APP: variants seen among roughly 807,000 people sequenced by gnomAD.
The protein encoded by APP is amyloid beta precursor protein.
APP carries 31 observed loss-of-function variants against 101.4 expected under a neutral mutation model. The ratio of observed to expected loss-of-function variants is 0.31; its 90% CI spans 0.23 to 0.41. The LOEUF (loss-of-function observed/expected upper bound fraction) is 0.41. Ranked by LOEUF, APP falls within the 10% of genes least tolerant of loss-of-function variation. The pLI, the probability that APP is intolerant of heterozygous loss-of-function variation, is 1.00. For synonymous variants in APP, 366 were observed against 364.4 expected, an observed-to-expected ratio of 1.00 and a Z score of -0.05; for missense variants, 839 against 1,003.7, an observed-to-expected ratio of 0.84 and a Z score of 2.22.
At chr21:26,032,800 A>AG (rs1301560372) in intron 5 of APP, among the ~76,000 whole-genome samples, 3 of 125,004 alleles carry the variant, frequency 2.4e-5, no homozygotes, top group Non-Finnish European at 4.9e-5. Flanking sequence ...TTTAGAAAAA[A>AG]AAAAAATATA....
At chr21:25,999,056 C>T (rs148902821) in intron 7 of APP, among the ~76,000 whole-genome samples, 2,462 of 152,246 alleles carry the variant, frequency 0.016, 33 homozygotes, top group Non-Finnish European at 0.024. Context: ...TTTGGATGGC[C>T]AAGGCAGGTG....
chr21:25,962,144 T>C (rs970047775), intron 11 of APP, among the ~76,000 whole-genome samples: 26 of 152,212 alleles, frequency 1.7e-4, no homozygotes, highest in African/African-American at 5.8e-4. Context: ...GTTTAGCTCA[T>C]AATTATGTGC....
chr21:25,886,230 G>A (rs965127730), intron 17 of APP, among the ~76,000 whole-genome samples: 35 of 151,926 alleles, frequency 2.3e-4, no homozygotes, highest in African/African-American at 8.0e-4. Context: ...CTTATCCCTC[G>A]TAACCTCCCA....
chr21:25,915,793 G>A (rs532478008), intron 13 of APP, among the ~76,000 whole-genome samples: 4 of 152,314 alleles, frequency 2.6e-5, no homozygotes, highest in South Asian at 2.1e-4. Flanking sequence ...GTTGAGGTAC[G>A]CTGTAGTACC....
chr21:26,023,445 C>T (rs868348416), intron 5 of APP, among the ~76,000 whole-genome samples: 6 of 147,508 alleles, frequency 4.1e-5, no homozygotes, highest in Non-Finnish European at 7.4e-5. Context: ...AAGGCTGGGG[C>T]GGGAGGATTG....
chr21:26,147,751 A>G (rs1881755342), intron 1 of APP, among the ~76,000 whole-genome samples: 1 of 152,114 alleles, frequency 6.6e-6, no homozygotes, highest in African/African-American at 2.4e-5. Context: ...TGGGTGTGAT[A>G]GGATCACACA....
At chr21:26,131,033 C>T (rs970947436) in intron 1 of APP, among the ~76,000 whole-genome samples, 1 of 152,022 alleles carries the variant, frequency 6.6e-6, no homozygotes, top group Non-Finnish European at 1.5e-5. Flanking sequence ...AGTTCGAGAC[C>T]AGCCTGACCA....
intron 16 of APP, among the ~76,000 whole-genome samples, chr21:25,894,236 A>G (rs1319522611): frequency 6.6e-6 from 1 of 152,200 alleles, no homozygotes; most frequent in East Asian, 1.9e-4. Flanking sequence ...TGTTGTTTTC[A>G]TGCCTGCTAA....
At chr21:26,168,861 G>C (rs2146407388) in intron 1 of APP, among the ~76,000 whole-genome samples, 1 of 152,270 alleles carries the variant, frequency 6.6e-6, no homozygotes, top group Non-Finnish European at 1.5e-5. Flanking sequence ...GTAAAAATCA[G>C]AAGAGAAAAA....
At chr21:25,986,835 T>C (rs1476661061) in intron 8 of APP, among the ~76,000 whole-genome samples, 1 of 152,258 alleles carries the variant, frequency 6.6e-6, no homozygotes, top group African/African-American at 2.4e-5. Context: ...GAGCCCACCA[T>C]GCTAGGCATG....
intron 11 of APP, among the ~76,000 whole-genome samples, chr21:25,972,485 G>GAAA (rs1568786956): frequency 2.0e-5 from 3 of 152,188 alleles, no homozygotes; most frequent in Non-Finnish European, 4.4e-5. Flanking sequence ...GGTATAAAAG[G>GAAA]GACATTTTTG....
chr21:25,914,004 A>AG (rs2039213754), intron 13 of APP, among the ~76,000 whole-genome samples: 1 of 152,186 alleles, frequency 6.6e-6, no homozygotes, highest in Admixed American at 6.5e-5. Flanking sequence ...ATACCAACTT[A>AG]GGGCTCCCTC....
chr21:25,981,684 A>T (rs968563124), intron 9 of APP, among the ~76,000 whole-genome samples: 1 of 86,716 alleles, frequency 1.2e-5, no homozygotes, highest in Non-Finnish European at 2.3e-5. Flanking sequence ...AGGACCTGCT[A>T]AAAAAAAACA....
At chr21:26,077,763 T>C (rs1163665228) in intron 3 of APP, among the ~76,000 whole-genome samples, 8 of 131,220 alleles carry the variant, frequency 6.1e-5, no homozygotes, top group East Asian at 2.1e-4. Flanking sequence ...TAAGACTCAC[T>C]GACAGGAGAA....
chr21:26,074,990 T>TAAA (rs2061476430), intron 3 of APP, among the ~76,000 whole-genome samples: 1 of 152,204 alleles, frequency 6.6e-6, no homozygotes, highest in Non-Finnish European at 1.5e-5. Context: ...GGTTGTTACA[T>TAAA]AAAACCTGCT....
rs772020679 is a variant in APP, at chr21:26,053,285, C to G, written c.419G>C (p.Arg140Thr). 10 of 1,613,846 alleles carry G rather than the reference C, an allele frequency of 6.2e-6. No individual in the cohort carries two copies. The highest frequency in any genetic ancestry group is 8.5e-6 in the Non-Finnish European group (10 of 1,179,874). ...AAGATGAGTTTCGCAAACATCCATC[C>G]TCTCCTGGTGTAAGAATTTGCACTT... ...PDKCKFLHQE[R>T]MDVCETHLHW... is the part of the protein sequence containing the mutation. Residue 140 changes from arginine to threonine, a missense_variant, in exon 4 of 18, where the codon AGG becomes ACG. Coordinates refer to ENST00000346798, the MANE Select transcript of APP (RefSeq NM_000484.4).
intron 1 of APP, among the ~76,000 whole-genome samples, chr21:26,143,751 C>T (rs577688401): frequency 6.6e-6 from 1 of 152,286 alleles, no homozygotes; most frequent in Non-Finnish European, 1.5e-5. Context: ...ACTCTTGTTT[C>T]CATGAGTTTG....
intron 1 of APP, among the ~76,000 whole-genome samples, chr21:26,115,123 G>A (rs977710895): frequency 5.9e-5 from 9 of 152,136 alleles, no homozygotes; most frequent in African/African-American, 1.7e-4. Context: ...TTGGAGAATC[G>A]TGATGATTAA....
At chr21:26,026,424 T>A (rs2044577108) in intron 5 of APP, among the ~76,000 whole-genome samples, 3 of 152,158 alleles carry the variant, frequency 2.0e-5, no homozygotes, top group African/African-American at 7.2e-5. Flanking sequence ...CATGCGAGAT[T>A]TTACTTGGAT....
Sources: allele counts gnomAD v4.1 joint callset (sites outside exome capture counted in the v4.1 genomes callset), GRCh38; gene constraint gnomAD v4.1.1; transcripts MANE v1.5; gene names NCBI Gene and HGNC (gene_info 2026-07-23, HGNC 2026-07-21).